The following VDAC1 variants were observed in gnomAD, a reference collection of about 807,000 sequenced individuals.
The protein encoded by VDAC1 is non-selective voltage-gated ion channel VDAC1.
A neutral mutation model predicts 34.7 loss-of-function variants in VDAC1; 10 were observed. The observed-to-expected ratio is 0.29, with a 90% CI of 0.18 to 0.49. The LOEUF is 0.49. Among genes scored for constraint, VDAC1 ranks in the 20% least tolerant of loss-of-function variants. VDAC1 has a pLI of 0.99. For missense variants in VDAC1, 230 were observed against 347.9 expected (o/e 0.66, Z 2.69); for synonymous variants, 130 against 136.0 (o/e 0.96, Z 0.30).
At chr5:133,984,143 CCTCCTGAG>C (rs1324785391) in intron 5 of VDAC1, among the ~76,000 whole-genome samples, 1 of 152,102 alleles carries the variant, frequency 6.6e-6, no homozygotes, top group Non-Finnish European at 1.5e-5. Context: ...ACAGCCCCTA[CCTCCTGAG>C]CTCAGGTGAT....
chr5:133,992,956 G>C lies in VDAC1; in HGVS notation c.57C>G (p.Thr19=). 1 of 1,613,702 alleles carries C rather than the reference G, an allele frequency of 6.2e-7. No homozygotes were observed. The highest frequency in any genetic ancestry group is 8.5e-7 in the Non-Finnish European group (1 of 1,179,736). ...DLGKSARDVF[T]KGYGFGLIKL... ...CTCTGCAACACTCACCATAGCCCTT[G>C]GTGAAGACATCCCTGGCAGATTTGC... The change falls in exon 2 of 9, where the codon ACC becomes ACG. Residue 19 remains threonine, a synonymous_variant. Coordinates refer to ENST00000265333, the MANE Select transcript of VDAC1 (RefSeq NM_003374.3).
the VDAC1 span, among the ~76,000 whole-genome samples, chr5:134,044,289 T>C: frequency 6.6e-6 from 1 of 152,186 alleles, no homozygotes; most frequent in South Asian, 2.1e-4. Context: ...CCCAGCTCTT[T>C]CCGCCCTAGC....
At chr5:134,033,337 T>C in the VDAC1 span, among the ~76,000 whole-genome samples, 1 of 151,522 alleles carries the variant, frequency 6.6e-6, no homozygotes, top group Non-Finnish European at 1.5e-5. Context: ...TTTATATTTT[T>C]AATAGAGACG....
At chr5:134,109,603 C>T in the VDAC1 span, among the ~76,000 whole-genome samples, 1 of 152,076 alleles carries the variant, frequency 6.6e-6, no homozygotes, top group African/African-American at 2.4e-5. Flanking sequence ...AACCCCATCT[C>T]TACTAAAAAT....
the VDAC1 span, among the ~76,000 whole-genome samples, chr5:134,104,741 C>T: frequency 1.3e-5 from 2 of 152,188 alleles, no homozygotes; most frequent in East Asian, 1.9e-4. Context: ...TTTAAGATGT[C>T]GGTAATAACA....
the VDAC1 span, among the ~76,000 whole-genome samples, chr5:134,014,562 T>G: frequency 6.6e-6 from 1 of 152,022 alleles, no homozygotes; most frequent in Admixed American, 6.6e-5. Context: ...GAACTACCAT[T>G]CCACCCAAAG....
chr5:134,091,036 C>T, the VDAC1 span, among the ~76,000 whole-genome samples: 429 of 152,218 alleles, frequency 2.8e-3, no homozygotes, highest in Middle Eastern at 0.01. Context: ...AAAGTGGCCA[C>T]GGAACACTAT....
At chr5:134,028,039 G>A in the VDAC1 span, among the ~76,000 whole-genome samples, 1 of 151,580 alleles carries the variant, frequency 6.6e-6, no homozygotes, top group African/African-American at 2.4e-5. Context: ...CCAAAGTGCT[G>A]AGATTACAGG....
upstream of VDAC1, among the ~76,000 whole-genome samples, chr5:134,006,330 C>T (rs376988615): frequency 7.9e-5 from 12 of 152,094 alleles, no homozygotes; most frequent in East Asian, 2.1e-3. Context: ...CGGGACAAGG[C>T]GGGGCTCCAG....
At chr5:134,011,659 A>C in the VDAC1 span, among the ~76,000 whole-genome samples, 1 of 112,010 alleles carries the variant, frequency 8.9e-6, no homozygotes, top group African/African-American at 3.4e-5. Context: ...TTTTTTTTTT[A>C]GACAGAGTTT....
the VDAC1 span, among the ~76,000 whole-genome samples, chr5:134,094,989 G>A: frequency 3.9e-5 from 6 of 152,214 alleles, no homozygotes; most frequent in African/African-American, 1.2e-4. Context: ...CCCCATTTGG[G>A]AGCATCAGTT....
At position 133,992,337 on chromosome 5, in the gene VDAC1, A is replaced by G; in HGVS notation, c.86T>C (p.Leu29Pro). The part of the protein sequence containing the change: ...TKGYGFGLIK[L>P]DLKTKSENGL... ...ATTCTCAGATTTTGTTTTCAAATCA[A>G]GCTTTATTAAGCCAAATCCTAAAGA... The change falls in exon 3 of 9, where the codon CTT (leucine) becomes CCT (proline). Residue 29 changes from leucine (L) to proline (P), a missense_variant. By Grantham distance (98) the Leu-to-Pro change is moderately conservative (BLOSUM62 -3). Coordinates refer to ENST00000265333, the MANE Select transcript of VDAC1 (RefSeq NM_003374.3). The G allele has an allele frequency of 6.3e-7, 1 of 1,583,998 alleles. No individual in the cohort carries two copies. Among genetic ancestry groups the G allele is most frequent in the Non-Finnish European group, 8.6e-7 (1 of 1,166,506 alleles).
chr5:133,997,707 CAAAAAAAAA>C (rs67591375), intron 1 of VDAC1, among the ~76,000 whole-genome samples: 2 of 58,358 alleles, frequency 3.4e-5, no homozygotes, highest in Non-Finnish European at 5.9e-5. Flanking sequence ...GACTGTCTCA[CAAAAAAAAA>C]AAAAAAAAAA....
At chr5:134,012,427 G>A in the VDAC1 span, among the ~76,000 whole-genome samples, 1,136 of 152,310 alleles carry the variant, frequency 7.5e-3, 13 homozygotes, top group African/African-American at 0.026. Context: ...TGGGGCTATA[G>A]TATGAATGTT....
the VDAC1 span, among the ~76,000 whole-genome samples, chr5:134,076,818 G>A: frequency 6.6e-6 from 1 of 152,132 alleles, no homozygotes; most frequent in Non-Finnish European, 1.5e-5. Context: ...CTGGCTCTCT[G>A]GGAGCTGATC....
chr5:134,086,034 A>G, the VDAC1 span, among the ~76,000 whole-genome samples: 1 of 152,166 alleles, frequency 6.6e-6, no homozygotes, highest in Non-Finnish European at 1.5e-5. Context: ...GTCTACTAAA[A>G]ATACAAAAAA....
the VDAC1 span, among the ~76,000 whole-genome samples, chr5:134,043,497 C>G: frequency 1.3e-5 from 2 of 152,120 alleles, no homozygotes; most frequent in Admixed American, 1.3e-4. Context: ...TCTGGTTATT[C>G]TGCCCTAGGA....
chr5:133,982,568 A>G (rs11948190), intron 5 of VDAC1, among the ~76,000 whole-genome samples: 87,910 of 151,662 alleles, frequency 0.58, 25,651 homozygotes, highest in Admixed American at 0.62. Flanking sequence ...GTCATCTTTA[A>G]AGACTAAAGA....
chr5:133,973,507 G>T (rs1015402988), intron 8 of VDAC1, among the ~76,000 whole-genome samples: 1 of 152,198 alleles, frequency 6.6e-6, no homozygotes, highest in Admixed American at 6.5e-5. Flanking sequence ...CCAGAAATAA[G>T]TATCAAGCAT....
Sources: gnomAD v4.1 joint callset for allele counts (sites outside exome capture counted in the v4.1 genomes callset) on GRCh38, gnomAD v4.1.1 for gene constraint, MANE v1.5 for transcripts, NCBI Gene and HGNC (gene_info 2026-07-23, HGNC 2026-07-21) for gene names.